The following PLCXD1 variants were observed in gnomAD, a reference collection of about 807,000 sequenced individuals.
PLCXD1 encodes PI-PLC X domain-containing protein 1.
In PLCXD1, 45 loss-of-function variants were observed where a neutral mutation model predicts 37.8. That is an observed-to-expected ratio of 1.19 (90% confidence interval 0.94 to 1.53). PLCXD1 has a LOEUF of 1.53. Among genes scored for constraint, PLCXD1 ranks in the 40% most tolerant of loss-of-function variants. The pLI, the probability that PLCXD1 is intolerant of heterozygous loss-of-function variation, is 0.00. For synonymous variants in PLCXD1, 246 were observed against 206.9 expected (o/e 1.19, Z -1.62); for missense variants, 539 against 454.7 (o/e 1.19, Z -1.69).
At chrX:278,741 A>G (rs1299710655), upstream of PLCXD1, among the ~76,000 whole-genome samples, 1 of 146,378 alleles carries the variant, frequency 6.8e-6, no homozygotes, top group Non-Finnish European at 1.5e-5. Context: ...TCCGTCTCAA[A>G]AAAAAAAAAA....
chrX:285,271 C>T (rs1446994140), intron 2 of PLCXD1, among the ~76,000 whole-genome samples: 1 of 152,172 alleles, frequency 6.6e-6, no homozygotes, highest in Non-Finnish European at 1.5e-5. Context: ...TATACATGCA[C>T]ATAGGCTCAT....
Position 299,407 on chromosome X carries a change from T to C in PLCXD1, c.*72T>C. On this transcript the variant is annotated 3_prime_UTR_variant, in exon 7 of 7. Coordinates refer to ENST00000381657, the MANE Select transcript of PLCXD1 (RefSeq NM_018390.4). Reference sequence around the variant, plus strand: ...CGAATTTCCAAGTATTGTGACTTTGTTTGGGCCAAATGTTGGTGATCATAG... The same window carrying C: ...CGAATTTCCAAGTATTGTGACTTTGCTTGGGCCAAATGTTGGTGATCATAG... 1.8e-6 allele frequency: 2 copies of C among 1,082,278 alleles called. No individual in the cohort carries two copies. Among genetic ancestry groups the C allele is most frequent in the Non-Finnish European group, 2.9e-6 (2 of 697,118 alleles). The allele number at this position is 1,082,278 out of a possible 1,614,324, so 67.0% of individuals were successfully genotyped here.
chrX:285,680 C>T (rs1321394499), intron 2 of PLCXD1, among the ~76,000 whole-genome samples: 3 of 152,108 alleles, frequency 2.0e-5, no homozygotes, highest in Non-Finnish European at 4.4e-5. Flanking sequence ...CGTCCATGCA[C>T]ACAGGAACAC....
chrX:294,926 A>G (rs1339640421), intron 6 of PLCXD1, among the ~76,000 whole-genome samples: 1 of 152,152 alleles, frequency 6.6e-6, no homozygotes, highest in Non-Finnish European at 1.5e-5. Context: ...CTGTAATCCC[A>G]CCACTTTGGG....
chrX:276,723 C>G (rs1424825864), upstream of PLCXD1, among the ~76,000 whole-genome samples: 3 of 152,148 alleles, frequency 2.0e-5, no homozygotes, highest in Admixed American at 2.0e-4. Context: ...CTTGCTTGGC[C>G]GGTTGGACGT....
At chrX:296,665 CCT>C (rs1222566696) in intron 6 of PLCXD1, among the ~76,000 whole-genome samples, 1 of 152,234 alleles carries the variant, frequency 6.6e-6, no homozygotes, top group Non-Finnish European at 1.5e-5. Context: ...CAACGTCAAC[CCT>C]CTCTATAAGC....
In PLCXD1 at chrX:300,275, A is replaced by C. The variant is rs773780726; in HGVS notation, c.*940A>C. ...GGGAGACACTATCCTCCCACAGCTC[A>C]CTAATTACTAAACACAGTGACAGCC... On this transcript the variant is annotated 3_prime_UTR_variant, in exon 7 of 7. Transcript: ENST00000381657. The C allele has an allele frequency of 6.6e-6, 1 of 152,144 alleles. No homozygotes were observed. The highest frequency in any genetic ancestry group is 1.9e-4 in the East Asian group (1 of 5,152). The allele number at this position is 152,144 out of a possible 1,614,324, so 9.4% of individuals were successfully genotyped here.
intron 5 of PLCXD1, 22 bp from the exon 6 acceptor site, chrX:293,013 C>A (rs1020918706): frequency 6.3e-7 from 1 of 1,585,084 alleles, no homozygotes. Flanking sequence ...CCCCTGCACC[C>A]CTTAACTCTG....
At position 302,851 on chromosome X, in the gene PLCXD1, G is replaced by C. The variant is rs1370345215; in HGVS notation, c.*3516G>C. 2.6e-5 allele frequency: 4 copies of C among 152,252 alleles called. No homozygotes were observed. The highest frequency in any genetic ancestry group is 9.6e-5 in the African/African-American group (4 of 41,466). The allele number at this position is 152,252 out of a possible 1,614,324, so 9.4% of individuals were successfully genotyped here. A position where few individuals can be genotyped will look rare whatever the true frequency, so the allele number is the denominator to read the frequency against. On this transcript the variant is annotated 3_prime_UTR_variant, in exon 7 of 7. Coordinates refer to ENST00000381657, the MANE Select transcript of PLCXD1 (RefSeq NM_018390.4). ...GGCCTCCCAAAGTGCTGGGATGACAGGCGTGAGCCACCGCGCCCGGCCTAT... is the reference window on the plus strand; with the variant it reads ...GGCCTCCCAAAGTGCTGGGATGACACGCGTGAGCCACCGCGCCCGGCCTAT...
At chrX:285,698 T>C (rs28397061) in intron 2 of PLCXD1, among the ~76,000 whole-genome samples, 111,818 of 151,972 alleles carry the variant, frequency 0.74, 41,349 homozygotes, top group African/African-American at 0.79. Context: ...CACAGGTACA[T>C]GTTTAAACAC....
Position 299,229 on chromosome X carries a change from C to T in PLCXD1, c.866C>T (p.Pro289Leu), listed in dbSNP as rs757844947. The T allele has an allele frequency of 7.4e-6, 12 of 1,613,742 alleles. No homozygotes were observed. The East Asian group carries it at 8.9e-5, about 12-fold the overall frequency. ...RLSAWVREQC[P>L]GPGSRCTNII... is the part of the protein sequence containing the mutation. ...AGCGCGTGGGTCCGAGAGCAGTGCC[C>T]GGGGCCGGGTTCACGGTGCACCAAC... is the stretch of plus-strand genomic sequence containing the variant. The change falls in exon 7 of 7, where the codon CCG (proline) becomes CTG (leucine). Residue 289 changes from proline (P) to leucine (L), a missense_variant. Pro to Leu is a moderately conservative substitution (Grantham distance 98). Coordinates refer to ENST00000381657, the MANE Select transcript of PLCXD1 (RefSeq NM_018390.4).
At chrX:278,326 G>A (rs1462095859), upstream of PLCXD1, among the ~76,000 whole-genome samples, 1 of 152,098 alleles carries the variant, frequency 6.6e-6, no homozygotes, top group Non-Finnish European at 1.5e-5. Flanking sequence ...GATGGAATCC[G>A]TCATGACACA....
At position 299,198 on chromosome X, in the gene PLCXD1, C is replaced by G. The variant is rs150834370; in HGVS notation, c.835C>G (p.Arg279Gly). ...GAAGATGACGCTGCCCAACCTTCCG[C>G]GGCTGAGCGCGTGGGTCCGAGAGCA... ...LEKMTLPNLP[R>G]LSAWVREQCP... The change falls in exon 7 of 7, where the codon CGG becomes GGG. Residue 279 changes from arginine to glycine, a missense_variant. Physicochemically the swap from Arg to Gly is moderately radical, Grantham distance 125. Transcript: ENST00000381657. 57 of 1,613,878 alleles carry G rather than the reference C, an allele frequency of 3.5e-5. No individual in the cohort carries two copies. In the African/African-American group the frequency reaches 6.0e-4, roughly 17 times the overall value.
At chrX:295,718 A>G (rs28774393) in intron 6 of PLCXD1, among the ~76,000 whole-genome samples, 13,070 of 151,576 alleles carry the variant, frequency 0.086, 1,598 homozygotes, top group African/African-American at 0.28. Context: ...TAGTAGAGAC[A>G]GGGTTTCACC....
At chrX:286,540 G>T (rs936040837) in intron 2 of PLCXD1, among the ~76,000 whole-genome samples, 1 of 152,024 alleles carries the variant, frequency 6.6e-6, no homozygotes, top group Non-Finnish European at 1.5e-5. Flanking sequence ...CTTAAGAGCC[G>T]AGCTCCTTAA....
intron 6 of PLCXD1, among the ~76,000 whole-genome samples, chrX:297,472 A>T (rs2069855575): frequency 1.3e-5 from 1 of 78,794 alleles, no homozygotes; most frequent in Admixed American, 1.2e-4. Flanking sequence ...TCTGTCTCCC[A>T]CATGGGGATT....
intron 6 of PLCXD1, among the ~76,000 whole-genome samples, chrX:293,734 A>G (rs894986256): frequency 5.3e-5 from 8 of 152,178 alleles, no homozygotes; most frequent in Non-Finnish European, 7.3e-5. Flanking sequence ...AGCGGGCACA[A>G]ACCTTAAGAC....
rs943195820 is a variant in PLCXD1, at chrX:301,337, T to C, written c.*2002T>C. 7 of 151,400 alleles carry C rather than the reference T, an allele frequency of 4.6e-5. No individual in the cohort carries two copies. The highest frequency in any genetic ancestry group is 9.7e-5 in the African/African-American group (4 of 41,164). The allele number at this position is 151,400 out of a possible 1,614,324, so 9.4% of individuals were successfully genotyped here. ...ATTTTATTTTTTTGTAGAGACGTGG[T>C]CTGGCTATGTTGTCCAGGGTGGTCT... On this transcript the variant is annotated 3_prime_UTR_variant, in exon 7 of 7. Coordinates refer to ENST00000381657, the MANE Select transcript of PLCXD1 (RefSeq NM_018390.4).
Position 290,841 on chromosome X carries a change from GCGGCCGGGC to G in PLCXD1, c.393+66_393+74del. The G allele has an allele frequency of 4.8e-6, 7 of 1,443,638 alleles. 1 individual carries two copies. Among genetic ancestry groups the G allele is most frequent in the South Asian group, 2.5e-5 (2 of 80,384 alleles). 89.4% of individuals were successfully genotyped at this position (1,443,638 alleles called of 1,614,324 possible). ...GAGGCGGCCGGGCACTGGTGCAGGT[GCGGCCGGGC>G]TGAGGTGGGAAGCAAGGGGGACAGC... On this transcript the variant is annotated intron_variant, in intron 4 of 6. Coordinates refer to ENST00000381657, the MANE Select transcript of PLCXD1 (RefSeq NM_018390.4).
Sources: allele counts gnomAD v4.1 joint callset (sites outside exome capture counted in the v4.1 genomes callset), GRCh38; gene constraint gnomAD v4.1.1; transcripts MANE v1.5; gene names NCBI Gene and HGNC (gene_info 2026-07-23, HGNC 2026-07-21).